Variants in ZNF398 observed in about 807,000 individuals in gnomAD.
ZNF398 encodes the protein zinc finger protein 398.
In ZNF398, 18 loss-of-function variants were observed where a neutral mutation model predicts 41.9. That is an observed-to-expected ratio of 0.43 (90% CI 0.30 to 0.64). The LOEUF (loss-of-function observed/expected upper bound fraction) is 0.64, where lower values mean the gene tolerates loss of function less well. Ranked by LOEUF, ZNF398 falls within the 30% of genes least tolerant of loss-of-function variation. ZNF398 has a pLI of 0.14. For synonymous variants in ZNF398, 260 were observed against 308.8 expected, an observed-to-expected ratio of 0.84 and a Z score of 1.66; for missense variants, 669 against 822.8, an observed-to-expected ratio of 0.81 and a Z score of 2.29.
chr7:149,151,473 A>T (rs573871370), intron 1 of ZNF398, among the ~76,000 whole-genome samples: 101 of 152,316 alleles, frequency 6.6e-4, no homozygotes, highest in African/African-American at 2.4e-3. Context: ...TCAGGTTCAT[A>T]GAGTTAGAAG....
chr7:149,148,334 G>A (rs563058643), intron 1 of ZNF398: 10 of 588,902 alleles, frequency 1.7e-5, no homozygotes, highest in Non-Finnish European at 1.9e-5. Context: ...GTTCATTCGC[G>A]GGTGTTTGCC....
intron 2 of ZNF398, among the ~76,000 whole-genome samples, chr7:149,155,973 G>C (rs545384486): frequency 9.9e-5 from 15 of 151,790 alleles, no homozygotes; most frequent in Non-Finnish European, 5.9e-5. Flanking sequence ...TGATCCGCTC[G>C]CCTTGGCCTC....
chr7:149,163,869 T>C (rs565934699), intron 2 of ZNF398, among the ~76,000 whole-genome samples: 1 of 152,188 alleles, frequency 6.6e-6, no homozygotes, highest in South Asian at 2.1e-4. Flanking sequence ...TCCCAGCACT[T>C]TGGGAGGCTG....
intron 2 of ZNF398, among the ~76,000 whole-genome samples, chr7:149,142,016 A>G (rs907944084): frequency 1.3e-5 from 2 of 152,014 alleles, no homozygotes; most frequent in Non-Finnish European, 2.9e-5. Flanking sequence ...TGGCACAGTC[A>G]TGGCTTACTA....
At chr7:149,140,253 CATT>C (rs1401353724) in intron 2 of ZNF398, among the ~76,000 whole-genome samples, 1 of 152,034 alleles carries the variant, frequency 6.6e-6, no homozygotes, top group African/African-American at 2.4e-5. Flanking sequence ...TTAGAAAGAA[CATT>C]ATGTTCTTTT....
upstream of ZNF398, among the ~76,000 whole-genome samples, chr7:149,145,871 C>T (rs1304098260): frequency 6.6e-6 from 1 of 151,476 alleles, no homozygotes; most frequent in Non-Finnish European, 1.5e-5. Context: ...GGCAAGGAAC[C>T]TACTGCTGTT....
Position 149,166,940 on chromosome 7 carries a change from A to T in ZNF398, c.661+10A>T, listed in dbSNP as rs543327506. ...ACAGACCCCAGTGAAGGTAAGTGGG[A>T]GAAGAGATTCCTACTTCTTGTCTCC... On this transcript the variant is annotated intron_variant, in intron 4 of 5. Coordinates refer to ENST00000475153, the MANE Select transcript of ZNF398 (RefSeq NM_170686.3). 1.9e-6 allele frequency: 3 copies of T among 1,580,846 alleles called. No homozygotes were observed. The South Asian group carries it at 3.4e-5, about 18-fold the overall frequency.
intron 2 of ZNF398, among the ~76,000 whole-genome samples, chr7:149,135,389 CAAAAAAAAAAA>C (rs777888671): frequency 4.9e-5 from 3 of 61,408 alleles, no homozygotes; most frequent in African/African-American, 1.2e-4. Flanking sequence ...GACTCTGTCT[CAAAAAAAAAAA>C]AAAAAAAAAA....
chr7:149,178,388 G>A (rs1795513390), intron 5 of ZNF398, among the ~76,000 whole-genome samples: 1 of 152,210 alleles, frequency 6.6e-6, no homozygotes, highest in Non-Finnish European at 1.5e-5. Context: ...AGGTAGTGGA[G>A]GCTGCAGTGA....
At chr7:149,173,628 A>G (rs1182336180) in intron 4 of ZNF398, among the ~76,000 whole-genome samples, 1 of 152,138 alleles carries the variant, frequency 6.6e-6, no homozygotes, top group Non-Finnish European at 1.5e-5. Flanking sequence ...TGCGTTGTCA[A>G]TGAGCACTAG....
upstream of ZNF398, among the ~76,000 whole-genome samples, chr7:149,143,410 A>G (rs1350658917): frequency 6.6e-6 from 1 of 152,226 alleles, no homozygotes; most frequent in Admixed American, 6.6e-5. Context: ...TACATCATAC[A>G]TGCTGAAAAA....
intron 2 of ZNF398, among the ~76,000 whole-genome samples, chr7:149,141,398 C>T (rs184513614): frequency 8.9e-4 from 132 of 147,700 alleles, no homozygotes; most frequent in Non-Finnish European, 1.2e-3. Flanking sequence ...TGGGTTCAAG[C>T]GATTCTTCCA....
intron 4 of ZNF398, among the ~76,000 whole-genome samples, chr7:149,174,976 A>G (rs1795431800): frequency 6.6e-6 from 1 of 152,206 alleles, no homozygotes; most frequent in African/African-American, 2.4e-5. Flanking sequence ...CTGGAAGAGA[A>G]CAAAGATAAG....
intron 2 of ZNF398, among the ~76,000 whole-genome samples, chr7:149,160,175 A>T (rs1328912313): frequency 6.6e-6 from 1 of 152,172 alleles, no homozygotes; most frequent in Admixed American, 6.5e-5. Flanking sequence ...GCGGTGACTC[A>T]CGCCTGTAAT....
upstream of ZNF398, among the ~76,000 whole-genome samples, chr7:149,146,248 A>G (rs1238152502): frequency 6.6e-6 from 1 of 152,068 alleles, no homozygotes; most frequent in Non-Finnish European, 1.5e-5. Context: ...CTGTTCTCGC[A>G]GGTCCTTTTG....
chr7:149,152,658 C>G (rs1794874529), intron 1 of ZNF398, among the ~76,000 whole-genome samples: 1 of 151,552 alleles, frequency 6.6e-6, no homozygotes, highest in Non-Finnish European at 1.5e-5. Flanking sequence ...CCTCGGTCTC[C>G]TGGGTTCAAG....
Position 149,180,200 on chromosome 7 carries a change from C to A in ZNF398, c.*399C>A, listed in dbSNP as rs891071744. 2.5e-4 allele frequency: 41 copies of A among 163,556 alleles called. No homozygotes were observed. The highest frequency in any genetic ancestry group is 8.4e-4 in the African/African-American group (35 of 41,666). The allele number at this position is 163,556 out of a possible 1,614,324, so 10.1% of individuals were successfully genotyped here. On this transcript the variant is annotated 3_prime_UTR_variant, in exon 6 of 6. Coordinates refer to ENST00000475153, the MANE Select transcript of ZNF398 (RefSeq NM_170686.3). ...GAGAAGAGCCTCCAAAACTGGAAGC[C>A]CATCATAAGGCATGAGAATGTTTAA... is the stretch of plus-strand genomic sequence containing the variant.
intron 4 of ZNF398, among the ~76,000 whole-genome samples, chr7:149,174,576 G>C (rs926482643): frequency 1.3e-5 from 2 of 152,172 alleles, no homozygotes; most frequent in Non-Finnish European, 2.9e-5. Flanking sequence ...TATAATCCCA[G>C]CACTTTGGGA....
intron 2 of ZNF398, among the ~76,000 whole-genome samples, chr7:149,140,238 T>C (rs926867994): frequency 6.6e-6 from 1 of 152,176 alleles, no homozygotes; most frequent in Non-Finnish European, 1.5e-5. Context: ...GTTATCTAGA[T>C]AACTTTAGAA....
Sources: allele counts gnomAD v4.1 joint callset (sites outside exome capture counted in the v4.1 genomes callset), GRCh38; gene constraint gnomAD v4.1.1; transcripts MANE v1.5; gene names NCBI Gene and HGNC (gene_info 2026-07-23, HGNC 2026-07-21).